The following IQSEC3 variants were observed in gnomAD, a reference collection of about 807,000 sequenced individuals.
The protein encoded by IQSEC3 is IQ motif and SEC7 domain-containing protein 3.
A neutral mutation model predicts 105.4 loss-of-function variants in IQSEC3; 50 were observed. That is an observed-to-expected ratio of 0.47 (90% CI 0.38 to 0.60). IQSEC3 has a LOEUF of 0.60. Ranked by LOEUF, IQSEC3 falls within the 20% of genes least tolerant of loss-of-function variation. The pLI is 0.00. For synonymous variants in IQSEC3, 708 were observed against 746.0 expected (o/e 0.95, Z 0.83); for missense variants, 1,415 against 1,630.0 (o/e 0.87, Z 2.27).
At position 139,202 on chromosome 12, in the gene IQSEC3, G is replaced by A. The variant is rs1555088259; in HGVS notation, c.1839G>A (p.Ala613=). The A allele has an allele frequency of 3.8e-6, 6 of 1,591,118 alleles. No individual in the cohort carries two copies. The highest frequency in any genetic ancestry group is 1.7e-4 in the Middle Eastern group (1 of 6,040). The change falls in exon 4 of 14, where the codon GCG becomes GCA. Residue 613 remains alanine, a synonymous_variant. Coordinates refer to ENST00000538872, the MANE Select transcript of IQSEC3 (RefSeq NM_001170738.2). ...AGTCCGCCAAGTCAGGCTCGGAGGC[G>A]TCGGCCTCCGCCTCCAAGGACGCCC... ...STKSAKSGSE[A]SASASKDALQ...
Position 139,029 on chromosome 12 carries a change from G to A in IQSEC3, c.1666G>A (p.Glu556Lys). Residue 556 changes from glutamate (E) to lysine (K), a missense_variant, in exon 4 of 14, where the codon GAG (glutamate) becomes AAG (lysine). Physicochemically the swap from Glu to Lys is moderately conservative, Grantham distance 56 (BLOSUM62 1). Coordinates refer to ENST00000538872, the MANE Select transcript of IQSEC3 (RefSeq NM_001170738.2). ...EDASAEDSCA[E>K]AAASGAADGA... ...CGCGTCAGCCGAGGACTCATGCGCA[G>A]AGGCTGCGGCTAGTGGGGCGGCGGA... The A allele has an allele frequency of 1.3e-6, 2 of 1,500,900 alleles. No individual in the cohort carries two copies. The highest frequency in any genetic ancestry group is 1.4e-5 in the African/African-American group (1 of 71,888). The allele number at this position is 1,500,900 out of a possible 1,614,324, so 93.0% of individuals were successfully genotyped here.
At chr12:162,110 T>G in intron 8 of IQSEC3, 45 bp downstream of exon 8, 1 of 1,601,998 alleles carries the variant, frequency 6.2e-7, no homozygotes, top group Non-Finnish European at 8.5e-7. Context: ...TTTCCTTTCT[T>G]TCTTCCTGGC....
intron 3 of IQSEC3, among the ~76,000 whole-genome samples, chr12:136,164 T>C (rs1865757590): frequency 6.6e-6 from 1 of 152,188 alleles, no homozygotes; most frequent in Admixed American, 6.5e-5. Flanking sequence ...ATAGGAAGGC[T>C]TAGTTGCCAT....
chr12:167,121 T>C (rs1938695219), intron 11 of IQSEC3: 1 of 152,164 alleles, frequency 6.6e-6, no homozygotes, highest in African/African-American at 2.4e-5. Flanking sequence ...CTTCCTTCAA[T>C]CTGTTGGCTT....
chr12:164,977 G>T (rs1011960183), intron 9 of IQSEC3, among the ~76,000 whole-genome samples: 3 of 152,124 alleles, frequency 2.0e-5, no homozygotes, highest in Non-Finnish European at 4.4e-5. Context: ...TTTAGAGGAG[G>T]TGATCCAGGA....
At chr12:149,634 C>G (rs1555092064) in intron 5 of IQSEC3, among the ~76,000 whole-genome samples, 2 of 152,108 alleles carry the variant, frequency 1.3e-5, no homozygotes, top group African/African-American at 4.8e-5. Context: ...TGAAGGAGCC[C>G]GTAGCCTCGT....
At chr12:170,882 C>T (rs1938950854) in intron 12 of IQSEC3, among the ~76,000 whole-genome samples, 1 of 152,240 alleles carries the variant, frequency 6.6e-6, no homozygotes, top group Non-Finnish European at 1.5e-5. Context: ...ACAATGCCAA[C>T]ATCAGAAAGA....
In IQSEC3 at chr12:174,859, C is replaced by G. The variant is rs745466212; in HGVS notation, c.3375C>G (p.Ser1125=). The G allele has an allele frequency of 6.3e-7, 1 of 1,579,396 alleles. No individual in the cohort carries two copies. The highest frequency in any genetic ancestry group is 8.5e-7 in the Non-Finnish European group (1 of 1,171,434). The change falls in exon 14 of 14, where the codon TCC becomes TCG. Residue 1125 remains serine, a synonymous_variant. Coordinates refer to ENST00000538872, the MANE Select transcript of IQSEC3 (RefSeq NM_001170738.2). ...CTCTCTCCTGCTACACCTCGTCGTC[C>G]TCTGACTCCTGCGGCTCCACACCCC... is the stretch of plus-strand genomic sequence containing the variant. ...SQALSCYTSS[S]SDSCGSTPLG... is the part of the protein sequence containing the mutation.
At chr12:125,553 G>A (rs782215449) in intron 2 of IQSEC3, 80 bp from the exon 3 acceptor site, 52 of 1,370,984 alleles carry the variant, frequency 3.8e-5, no homozygotes, top group Admixed American at 3.5e-4. Flanking sequence ...AGAGTGCCTA[G>A]CTTCTCTCCC....
In IQSEC3 at chr12:139,190, A is replaced by C; in HGVS notation, c.1827A>C (p.Ser609=). The change falls in exon 4 of 14, where the codon TCA becomes TCC. Residue 609 remains serine, a synonymous_variant. Transcript: ENST00000538872. ...SSSTSTKSAK[S]GSEASASASK... The stretch of plus-strand genomic sequence containing the variant: ...GCACGTCCACCAAGTCCGCCAAGTC[A>C]GGCTCGGAGGCGTCGGCCTCCGCCT... The C allele has an allele frequency of 6.3e-7, 1 of 1,587,154 alleles. No homozygotes were observed. Among genetic ancestry groups the C allele is most frequent in the Non-Finnish European group, 8.6e-7 (1 of 1,169,564 alleles).
At position 165,432 on chromosome 12, in the gene IQSEC3, A is replaced by G. The variant is rs1555097940; in HGVS notation, c.2710-2A>G. The G allele has an allele frequency of 1.2e-6, 2 of 1,613,284 alleles. No individual in the cohort carries two copies. Among genetic ancestry groups the G allele is most frequent in the Non-Finnish European group, 1.7e-6 (2 of 1,179,280 alleles). On this transcript the variant is annotated splice_acceptor_variant, in intron 9 of 13. Coordinates refer to ENST00000538872, the MANE Select transcript of IQSEC3 (RefSeq NM_001170738.2). LOFTEE classifies it high-confidence loss of function. ...GCATGCCTGTTTCCCTCTCCTGAAC[A>G]GATTCTCAAACTTTGCCCGAAGAAG...
At chr12:162,126 T>C in intron 8 of IQSEC3, 61 bp downstream of exon 8, 1 of 1,570,452 alleles carries the variant, frequency 6.4e-7, no homozygotes, top group Non-Finnish European at 8.7e-7. Context: ...CTGGCATCTC[T>C]TCCCATTCTC....
intron 1 of IQSEC3, among the ~76,000 whole-genome samples, chr12:77,888 T>A (rs1475241773): frequency 6.6e-5 from 10 of 150,836 alleles, no homozygotes; most frequent in African/African-American, 2.4e-4. Flanking sequence ...GGAGTCGGGA[T>A]CTCGGCGGCG....
Position 67,034 on chromosome 12 carries a change from G to A in IQSEC3, c.152G>A (p.Arg51His), listed in dbSNP as rs782705539. The A allele has an allele frequency of 1.3e-6, 2 of 1,532,338 alleles. No individual in the cohort carries two copies. Among genetic ancestry groups the A allele is most frequent in the Non-Finnish European group, 1.7e-6 (2 of 1,145,482 alleles). The allele number at this position is 1,532,338 out of a possible 1,614,324, so 94.9% of individuals were successfully genotyped here. Reference protein sequence around the residue: ...RRLDELSAENRSLWEHQQLLQ... With the variant: ...RRLDELSAENHSLWEHQQLLQ... ...CTGGACGAGCTGAGCGCTGAGAACC[G>A]CAGCCTGTGGGAGCACCAGCAGCTG... Residue 51 changes from arginine (R) to histidine (H), a missense_variant, in exon 1 of 14, where the codon CGC becomes CAC. By Grantham distance (29) the Arg-to-His change is conservative. Around this residue, in one of 6 missense-constraint regions of IQSEC3, gnomAD observed 34 missense variants for 80.3 expected, o/e 0.42. Coordinates refer to ENST00000538872, the MANE Select transcript of IQSEC3 (RefSeq NM_001170738.2).
At chr12:163,376 C>CCACAGAACTGGGCCCCTCCCCTGTCCCCT in intron 8 of IQSEC3, 118 bp from the exon 9 acceptor site, 2 of 152,378 alleles carry the variant, frequency 1.3e-5, no homozygotes, top group South Asian at 1.1e-4. Flanking sequence ...TCTCCTCCCT[C>CCACAGAACTGGGCCCCTCCCCTGTCCCCT]CACAGAACCG....
In IQSEC3 at chr12:92,387, G is replaced by T. The variant is rs533665967; in HGVS notation, c.555-6759G>T. 2.6e-5 allele frequency among the ~76,000 whole-genome samples: 4 copies of T among 152,298 alleles called. No individual in the cohort carries two copies. The South Asian group carries it at 8.3e-4, about 32-fold the overall frequency. On this transcript the variant is annotated intron_variant, in intron 1 of 13. Coordinates refer to ENST00000538872, the MANE Select transcript of IQSEC3 (RefSeq NM_001170738.2). ...TCGCAGGGCCACAGCCTTGGGCTGTGGTTCCCATGACTACAATGTGAATGG... is the reference window on the plus strand; with the variant it reads ...TCGCAGGGCCACAGCCTTGGGCTGTTGTTCCCATGACTACAATGTGAATGG...
At chr12:87,441 G>A (rs1555072352) in intron 1 of IQSEC3, among the ~76,000 whole-genome samples, 1 of 152,184 alleles carries the variant, frequency 6.6e-6, no homozygotes, top group Non-Finnish European at 1.5e-5. Context: ...AGTGAAGTCA[G>A]ACGCTGAGAA....
At chr12:71,899 G>A (rs1347455187) in intron 1 of IQSEC3, among the ~76,000 whole-genome samples, 5 of 152,414 alleles carry the variant, frequency 3.3e-5, no homozygotes, top group Admixed American at 3.3e-4. Context: ...CTGGGAGAAG[G>A]GAGTGTGCGT....
Position 138,255 on chromosome 12 carries a change from T to C in IQSEC3, c.904-12T>C. 1 of 1,602,826 alleles carries C rather than the reference T, an allele frequency of 6.2e-7. No individual in the cohort carries two copies. The highest frequency in any genetic ancestry group is 8.5e-7 in the Non-Finnish European group (1 of 1,172,686). ...TCTGAGCCCTTCCTCCTCTCTGTCC[T>C]CGTCCTTGCAGATTGAAATGCTAGA... On this transcript the variant is annotated splice_polypyrimidine_tract_variant and intron_variant, in intron 3 of 13. Coordinates refer to ENST00000538872, the MANE Select transcript of IQSEC3 (RefSeq NM_001170738.2). This position sits in a 1 kb window ranked among gnomAD's most constrained non-coding sequence, Gnocchi z 7.1.
Sources: allele counts gnomAD v4.1 joint callset (sites outside exome capture counted in the v4.1 genomes callset), GRCh38; gene constraint gnomAD v4.1.1; regional missense constraint gnomAD v4.1.1; non-coding constraint Gnocchi (gnomAD v3.1); transcripts MANE v1.5; gene names NCBI Gene and HGNC (gene_info 2026-07-23, HGNC 2026-07-21).